The following LNX1 variants were observed in gnomAD, a reference collection of about 807,000 sequenced individuals.
LNX1 encodes ligand of numb-protein X 1.
In LNX1, 54 loss-of-function variants were observed where a neutral mutation model predicts 68.4. The ratio of observed to expected loss-of-function variants is 0.79; its 90% CI spans 0.63 to 0.99. The LOEUF is 0.99. Ranked by LOEUF, LNX1 falls within the 50% of genes least tolerant of loss-of-function variation. The pLI is 0.00. For missense variants in LNX1, 906 were observed against 926.4 expected (o/e 0.98, Z 0.29); for synonymous variants, 336 against 350.0 (o/e 0.96, Z 0.45).
At chr4:53,507,259 T>A in intron 4 of LNX1, 58 bp downstream of exon 4, 1 of 1,570,416 alleles carries the variant, frequency 6.4e-7, no homozygotes, top group South Asian at 1.1e-5. Context: ...GCGTCATCCC[T>A]GAAGTCCCCC....
At chr4:53,568,759 A>T (rs1441773695) in intron 2 of LNX1, among the ~76,000 whole-genome samples, 1 of 152,030 alleles carries the variant, frequency 6.6e-6, no homozygotes, top group Non-Finnish European at 1.5e-5. Flanking sequence ...ATATCTAGAA[A>T]ACCCCATTGT....
In LNX1 at chr4:53,496,386, C is replaced by A; in HGVS notation, c.987G>T (p.Gly329=). Reference sequence around the variant, plus strand: ...TGTGAGGGACATTGCTGATGTCCATCCCGTTGACCTGGGGGCAGGTGGAAC... The same window carrying A: ...TGTGAGGGACATTGCTGATGTCCATACCGTTGACCTGGGGGCAGGTGGAAC... ...LPGDIILKVN[G]MDISNVPHNY... Residue 329 remains glycine, a synonymous_variant, in exon 6 of 11, where the codon GGG becomes GGT. Transcript: ENST00000263925. 6.2e-7 allele frequency: 1 copy of A among 1,603,982 alleles called. No homozygotes were observed. The highest frequency in any genetic ancestry group is 1.1e-5 in the South Asian group (1 of 90,456).
chr4:53,461,349 A>G (rs1722076485), intron 10 of LNX1, 86 bp downstream of exon 10: 1 of 1,069,062 alleles, frequency 9.4e-7, no homozygotes, highest in Admixed American at 2.1e-5. Flanking sequence ...TATAATAAAT[A>G]CATGCCTTAT....
In LNX1 at chr4:53,476,735, T is replaced by C. The variant is rs559907905; in HGVS notation, c.1892+18A>G. 1.3e-6 allele frequency: 2 copies of C among 1,599,414 alleles called. No homozygotes were observed. The highest frequency in any genetic ancestry group is 1.3e-5 in the African/African-American group (1 of 74,740). Reference sequence around the variant, plus strand: ...GTTTTCTCCCACGCCCCTACAGGGATGTTGTGTTTGGACTTACCGTGGTAA... The same window carrying C: ...GTTTTCTCCCACGCCCCTACAGGGACGTTGTGTTTGGACTTACCGTGGTAA... On this transcript the variant is annotated intron_variant, in intron 9 of 10. Transcript: ENST00000263925.
At chr4:53,510,751 AT>A (rs1726270290) in intron 2 of LNX1, among the ~76,000 whole-genome samples, 1 of 152,204 alleles carries the variant, frequency 6.6e-6, no homozygotes, top group South Asian at 2.1e-4. Context: ...TGGTCTGGAA[AT>A]GGTCTTTTCT....
At chr4:53,648,914 G>A (rs1734989812) in intron 1 of LNX1, among the ~76,000 whole-genome samples, 2 of 152,170 alleles carry the variant, frequency 1.3e-5, no homozygotes, top group Admixed American at 6.5e-5. Context: ...AACCCACTGA[G>A]TGTGTATAAT....
intron 2 of LNX1, among the ~76,000 whole-genome samples, chr4:53,526,127 GATAAC>G (rs1727593679): frequency 6.6e-6 from 1 of 151,784 alleles, no homozygotes; most frequent in African/African-American, 2.4e-5. Flanking sequence ...ATTAAAAAAA[GATAAC>G]ATACGCCACG....
In LNX1 at chr4:53,650,602, T is replaced by C. The variant is rs1359831479; in HGVS notation, c.-215+1566A>G. On this transcript the variant is annotated intron_variant, in intron 1 of 2. Coordinates refer to the LNX1 transcript ENST00000507168. ...ACATAGAAATAAATAGATACGTAAA[T>C]AGAGGAGGAAGCTGGGATTCAAAAT... is the stretch of plus-strand genomic sequence containing the variant. Among the ~76,000 whole-genome samples the C allele has an allele frequency of 3.3e-5, 5 of 152,130 alleles. No homozygotes were observed. In the East Asian group the frequency reaches 9.6e-4, roughly 29 times the overall value.
At chr4:53,569,114 T>C (rs1219961639) in intron 2 of LNX1, among the ~76,000 whole-genome samples, 1 of 151,824 alleles carries the variant, frequency 6.6e-6, no homozygotes, top group African/African-American at 2.4e-5. Flanking sequence ...TTCAGTGCCA[T>C]CCCCATCAAG....
chr4:53,637,433 C>A (rs1734522510), intron 1 of LNX1, among the ~76,000 whole-genome samples: 1 of 151,874 alleles, frequency 6.6e-6, no homozygotes, highest in African/African-American at 2.4e-5. Context: ...GTAAAAGATT[C>A]ACTGATTCTA....
chr4:53,514,906 A>G (rs1726647876), intron 2 of LNX1, among the ~76,000 whole-genome samples: 1 of 152,188 alleles, frequency 6.6e-6, no homozygotes, highest in Admixed American at 6.5e-5. Context: ...TTAACTGACA[A>G]ATTAGGCTAA....
At chr4:53,567,900 A>C (rs1730818071) in intron 2 of LNX1, among the ~76,000 whole-genome samples, 1 of 152,090 alleles carries the variant, frequency 6.6e-6, no homozygotes, top group Admixed American at 6.5e-5. Context: ...ATCTAGAAGA[A>C]ATGGATAAAT....
At chr4:53,481,379 T>C (rs546389584) in intron 7 of LNX1, among the ~76,000 whole-genome samples, 1 of 152,334 alleles carries the variant, frequency 6.6e-6, no homozygotes, top group East Asian at 1.9e-4. Context: ...CCAGGCAAAC[T>C]GCTTGCTTCA....
chr4:53,575,280 C>T (rs2109784022), intron 1 of LNX1, among the ~76,000 whole-genome samples: 1 of 152,298 alleles, frequency 6.6e-6, no homozygotes, highest in East Asian at 1.9e-4. Flanking sequence ...CCATGCCCAG[C>T]CTAGATATTT....
chr4:53,544,639 G>C (rs139778379), intron 2 of LNX1, among the ~76,000 whole-genome samples: 2 of 152,336 alleles, frequency 1.3e-5, no homozygotes, highest in African/African-American at 4.8e-5. Flanking sequence ...CTGCTGCCCA[G>C]TACCATGCGA....
intron 9 of LNX1, among the ~76,000 whole-genome samples, chr4:53,463,663 T>C (rs1219765755): frequency 6.6e-6 from 1 of 152,066 alleles, no homozygotes; most frequent in African/African-American, 2.4e-5. Context: ...GTATAAGGAA[T>C]AGCAAGGAGT....
intron 2 of LNX1, among the ~76,000 whole-genome samples, chr4:53,510,721 A>G (rs1216075391): frequency 6.6e-6 from 1 of 152,244 alleles, no homozygotes; most frequent in Non-Finnish European, 1.5e-5. Context: ...TTAGCAGTGC[A>G]TGGAAAGGAA....
At chr4:53,472,547 G>A (rs1044955512) in intron 9 of LNX1, among the ~76,000 whole-genome samples, 2 of 151,712 alleles carry the variant, frequency 1.3e-5, no homozygotes, top group Admixed American at 6.6e-5. Context: ...AAAAAAGTGG[G>A]AAGTGAAATC....
intron 1 of LNX1, among the ~76,000 whole-genome samples, chr4:53,623,166 G>T (rs1045436729): frequency 1.3e-5 from 2 of 150,628 alleles, no homozygotes; most frequent in Non-Finnish European, 3.0e-5. Flanking sequence ...CATCTTCTTA[G>T]TTGTACCTGA....
Sources: allele counts gnomAD v4.1 joint callset (sites outside exome capture counted in the v4.1 genomes callset), GRCh38; gene constraint gnomAD v4.1.1; transcripts MANE v1.5; gene names NCBI Gene and HGNC (gene_info 2026-07-23, HGNC 2026-07-21).